The following PTN variants were observed in gnomAD, a reference collection of about 807,000 sequenced individuals.
PTN encodes heparin affin regulatory protein.
In PTN, 18 loss-of-function variants were observed where a neutral mutation model predicts 24.1. That is an observed-to-expected ratio of 0.75 (90% confidence interval 0.52 to 1.11). The LOEUF is 1.11. Among genes scored for constraint, PTN ranks in the 50% least tolerant of loss-of-function variants. The pLI, the probability that PTN is intolerant of heterozygous loss-of-function variation, is 0.00. For missense variants in PTN, 163 were observed against 198.8 expected (o/e 0.82, Z 1.08); for synonymous variants, 78 against 68.6 (o/e 1.14, Z -0.67).
chr7:137,337,070 C>T (rs533143294), intron 1 of PTN, among the ~76,000 whole-genome samples: 1 of 152,218 alleles, frequency 6.6e-6, no homozygotes, highest in East Asian at 1.9e-4. Flanking sequence ...ATCCACATGC[C>T]CTGTCGTATG....
intron 1 of PTN, among the ~76,000 whole-genome samples, chr7:137,280,591 T>G (rs539448026): frequency 1.3e-5 from 2 of 150,436 alleles, no homozygotes; most frequent in African/African-American, 4.9e-5. Flanking sequence ...TGGTGGCTCA[T>G]GCCTGTAATC....
intron 4 of PTN, among the ~76,000 whole-genome samples, chr7:137,237,983 A>C (rs1032113764): frequency 6.6e-6 from 1 of 152,226 alleles, no homozygotes; most frequent in African/African-American, 2.4e-5. Context: ...TGCCGCCTGC[A>C]TGCATGAACA....
intron 1 of PTN, among the ~76,000 whole-genome samples, chr7:137,309,558 C>T (rs941141130): frequency 2.0e-5 from 3 of 152,124 alleles, no homozygotes; most frequent in Admixed American, 6.6e-5. Context: ...AAAATCTAAG[C>T]GACTCCTCTC....
intron 1 of PTN, among the ~76,000 whole-genome samples, chr7:137,303,408 G>T (rs201298853): frequency 6.6e-6 from 1 of 151,820 alleles, no homozygotes; most frequent in Non-Finnish European, 1.5e-5. Flanking sequence ...GACAAAACTA[G>T]AAGGCTAATC....
intron 1 of PTN, among the ~76,000 whole-genome samples, chr7:137,267,366 CCGCTTATGCTG>C (rs1298186448): frequency 2.0e-5 from 3 of 151,966 alleles, no homozygotes; most frequent in Admixed American, 2.0e-4. Flanking sequence ...CCTCTGCCAG[CCGCTTATGCTG>C]CTGTTCTCTT....
chr7:137,253,572 C>T lies in PTN; in HGVS notation c.181G>A (p.Asp61Asn). ...QWSVCVPTSG[D>N]CGLGTREGTR... ...CCCTCCCGTGTGCCCAGCCCACAGT[C>T]TCCACTGGTGGGCACACACACACTC... Residue 61 changes from aspartate (D) to asparagine (N), a missense_variant, in exon 3 of 5, where the codon GAC becomes AAC. Transcript: ENST00000348225. 1 of 1,611,616 alleles carries T rather than the reference C, an allele frequency of 6.2e-7. No individual in the cohort carries two copies. The highest frequency in any genetic ancestry group is 8.5e-7 in the Non-Finnish European group (1 of 1,178,766).
At chr7:137,241,646 C>T (rs945355621) in intron 4 of PTN, among the ~76,000 whole-genome samples, 4 of 152,166 alleles carry the variant, frequency 2.6e-5, no homozygotes, top group Non-Finnish European at 5.9e-5. Flanking sequence ...AAATAGGTAT[C>T]ATTCTACTAA....
At chr7:137,324,437 T>TATATATATATATATATATATAA (rs1810223164) in intron 1 of PTN, among the ~76,000 whole-genome samples, 2 of 72,292 alleles carry the variant, frequency 2.8e-5, no homozygotes, top group African/African-American at 1.4e-4. Flanking sequence ...AAAAAAAATA[T>TATATATATATATATATATATAA]ATATATATAT....
At chr7:137,314,875 G>T (rs1810045080) in intron 1 of PTN, among the ~76,000 whole-genome samples, 1 of 152,108 alleles carries the variant, frequency 6.6e-6, no homozygotes, top group Non-Finnish European at 1.5e-5. Flanking sequence ...TTACAGGTGT[G>T]AGCCACCGCA....
At chr7:137,281,187 A>G (rs1468871746) in intron 1 of PTN, among the ~76,000 whole-genome samples, 1 of 152,108 alleles carries the variant, frequency 6.6e-6, no homozygotes, top group Non-Finnish European at 1.5e-5. Context: ...AGCTCATAGA[A>G]TATAAAGGAA....
intron 1 of PTN, among the ~76,000 whole-genome samples, chr7:137,278,980 A>G (rs990295962): frequency 6.8e-6 from 1 of 148,124 alleles, no homozygotes; most frequent in African/African-American, 2.5e-5. Context: ...AATAATAATA[A>G]TAAAATAAAG....
At chr7:137,261,332 G>T (rs762338428) in intron 1 of PTN, among the ~76,000 whole-genome samples, 8 of 152,024 alleles carry the variant, frequency 5.3e-5, no homozygotes, top group Non-Finnish European at 1.2e-4. Flanking sequence ...CAAAGGAAAT[G>T]ATAGAACTAA....
Position 137,256,092 on chromosome 7 carries a change from T to C in PTN, c.-1-1118A>G, listed in dbSNP as rs1808918402. Among the ~76,000 whole-genome samples, 3 of 152,252 alleles carry C rather than the reference T, an allele frequency of 2.0e-5. No individual in the cohort carries two copies. In the South Asian group the frequency reaches 6.2e-4, roughly 31 times the overall value. ...TATTCTTTTCTCTAATTTATTTTCC[T>C]CATTGAAAAATATCTGAGATGATAT... On this transcript the variant is annotated intron_variant, in intron 1 of 4. Transcript: ENST00000348225.
In PTN at chr7:137,243,177, C is replaced by T. The variant is rs554414451; in HGVS notation, c.451+8053G>A. Among the ~76,000 whole-genome samples, 134 of 152,240 alleles carry T rather than the reference C, an allele frequency of 8.8e-4. 6 individuals carry two copies. The South Asian group carries it at 0.025, about 28-fold the overall frequency. On this transcript the variant is annotated intron_variant, in intron 4 of 4. Coordinates refer to ENST00000348225, the MANE Select transcript of PTN (RefSeq NM_002825.7). ...GTCTCGATCTCTTGACCTCGTGATC[C>T]GCCCACCTCAGCCTCCCAAAGTGCT...
chr7:137,268,212 G>C (rs1403434482), intron 1 of PTN, among the ~76,000 whole-genome samples: 1 of 152,032 alleles, frequency 6.6e-6, no homozygotes, highest in Non-Finnish European at 1.5e-5. Context: ...ATGCCTACCC[G>C]GGAGCGCTCT....
At chr7:137,336,110 C>T (rs1810444544) in intron 1 of PTN, among the ~76,000 whole-genome samples, 1 of 152,136 alleles carries the variant, frequency 6.6e-6, no homozygotes, top group Non-Finnish European at 1.5e-5. Context: ...ACTTGCCCCA[C>T]TGACTTTATT....
At chr7:137,234,044 C>G (rs1808478077) in intron 4 of PTN, among the ~76,000 whole-genome samples, 1 of 151,434 alleles carries the variant, frequency 6.6e-6, no homozygotes, top group African/African-American at 2.4e-5. Flanking sequence ...AGAAACAACA[C>G]TTTTAACGAG....
intron 1 of PTN, among the ~76,000 whole-genome samples, chr7:137,265,562 G>C (rs1809127653): frequency 6.6e-6 from 1 of 152,252 alleles, no homozygotes; most frequent in Non-Finnish European, 1.5e-5. Context: ...AGGCTGGATG[G>C]CCCTCAGGGG....
intron 1 of PTN, among the ~76,000 whole-genome samples, chr7:137,301,080 T>C (rs1043134448): frequency 6.6e-6 from 1 of 151,882 alleles, no homozygotes; most frequent in African/African-American, 2.4e-5. Context: ...GTATAAAGAG[T>C]ATAGTACAGT....
Sources: gnomAD v4.1 joint callset for allele counts (sites outside exome capture counted in the v4.1 genomes callset) on GRCh38, gnomAD v4.1.1 for gene constraint, MANE v1.5 for transcripts, NCBI Gene and HGNC (gene_info 2026-07-23, HGNC 2026-07-21) for gene names.